Variants in KIRREL3 observed in about 807,000 individuals in gnomAD.
KIRREL3 encodes kirre like nephrin family adhesion molecule 3, also known as kin of IRRE-like protein 3.
Under a neutral mutation model 89.7 loss-of-function variants are expected in KIRREL3, and 36 were observed. That is an observed-to-expected ratio of 0.40 (90% CI 0.31 to 0.53). KIRREL3 has a LOEUF of 0.53. Among genes scored for constraint, KIRREL3 ranks in the 20% least tolerant of loss-of-function variants. The pLI is 0.49. For missense variants in KIRREL3, 864 were observed against 1,056.6 expected (o/e 0.82, Z 2.53); for synonymous variants, 445 against 441.4 (o/e 1.01, Z -0.10).
rs2134341928 is a variant in KIRREL3, at chr11:126,492,733, A to G, written c.434-19267T>C. Reference sequence around the variant, plus strand: ...TGACTGTTAATGGTGAAATATCAAGATGCTGAGGGGGCTCTGAGCTGGACC... The same window carrying G: ...TGACTGTTAATGGTGAAATATCAAGGTGCTGAGGGGGCTCTGAGCTGGACC... On this transcript the variant is annotated intron_variant, in intron 4 of 16. Transcript: ENST00000525144. This position sits in a 1 kb window ranked among gnomAD's most constrained non-coding sequence, Gnocchi z 4.8. Among the ~76,000 whole-genome samples the G allele has an allele frequency of 6.6e-6, 1 of 152,140 alleles. No individual in the cohort carries two copies. Among genetic ancestry groups the G allele is most frequent in the East Asian group, 1.9e-4 (1 of 5,172 alleles).
At position 126,729,422 on chromosome 11, in the gene KIRREL3, C is replaced by T. The variant is rs1378663074; in HGVS notation, c.56-166510G>A. Among the ~76,000 whole-genome samples the T allele has an allele frequency of 6.6e-6, 1 of 152,164 alleles. No individual in the cohort carries two copies. The highest frequency in any genetic ancestry group is 1.5e-5 in the Non-Finnish European group (1 of 68,026). ...TTTTAGGGACATATTGCAGGAGAGA[C>T]AGGAAATTGAAATTGGCGCCATTCT... On this transcript the variant is annotated intron_variant, in intron 1 of 16. Coordinates refer to ENST00000525144, the MANE Select transcript of KIRREL3 (RefSeq NM_032531.4). The surrounding 1 kb of genome is among the most constrained non-coding windows in gnomAD (Gnocchi z 4.5).
rs1214103065 is a variant in KIRREL3 at position 126,943,707 on chromosome 11, C to T, written c.55+56748G>A. On this transcript the variant is annotated intron_variant, in intron 1 of 16. Coordinates refer to ENST00000525144, the MANE Select transcript of KIRREL3 (RefSeq NM_032531.4). The surrounding 1 kb of genome is among the most constrained non-coding windows in gnomAD (Gnocchi z 4.2). ...TGTGAGGGGTCAAGGGCAGGCTTTG[C>T]CTCCAGGGAGGCATTAAAGGGCCAC... is the stretch of plus-strand genomic sequence containing the variant. Among the ~76,000 whole-genome samples, 2 of 152,134 alleles carry T rather than the reference C, an allele frequency of 1.3e-5. No homozygotes were observed. Among genetic ancestry groups the T allele is most frequent in the Non-Finnish European group, 2.9e-5 (2 of 68,018 alleles).
At chr11:126,577,121 G>T (rs1377660946) in intron 1 of KIRREL3, among the ~76,000 whole-genome samples, 2 of 152,184 alleles carry the variant, frequency 1.3e-5, no homozygotes, top group Non-Finnish European at 2.9e-5. Context: ...TTTCAATAAA[G>T]GGCTCAGCAA....
rs1007158075 is a variant in KIRREL3, at chr11:126,564,880, G to A, written c.56-1968C>T. Among the ~76,000 whole-genome samples, 7 of 152,202 alleles carry A rather than the reference G, an allele frequency of 4.6e-5. No individual in the cohort carries two copies. Among genetic ancestry groups the A allele is most frequent in the South Asian group, 2.1e-4 (1 of 4,828 alleles). On this transcript the variant is annotated intron_variant, in intron 1 of 16. Transcript: ENST00000525144. This position sits in a 1 kb window ranked among gnomAD's most constrained non-coding sequence, Gnocchi z 7.4. ...TGTATTGAAACCTCAACACGCTGAC[G>A]ACAGGCAGAGTTAACCAGCCCATTG...
chr11:126,935,294 G>C (rs1388629460), intron 1 of KIRREL3: 1 of 150,088 alleles, frequency 6.7e-6, no homozygotes, highest in Non-Finnish European at 1.5e-5. Flanking sequence ...CAGCCACTTG[G>C]AAGACAGTGT....
In KIRREL3 at chr11:126,564,452, C is replaced by G. The variant is rs1271315075; in HGVS notation, c.56-1540G>C. Among the ~76,000 whole-genome samples, 3 of 152,176 alleles carry G rather than the reference C, an allele frequency of 2.0e-5. No individual in the cohort carries two copies. The highest frequency in any genetic ancestry group is 4.4e-5 in the Non-Finnish European group (3 of 68,036). ...GCCCAGGGAGGTCCCTGGCTTTGAT[C>G]TCCTGATTCTTTAAAGGGGTTTATT... is the stretch of plus-strand genomic sequence containing the variant. On this transcript the variant is annotated intron_variant, in intron 1 of 16. Coordinates refer to ENST00000525144, the MANE Select transcript of KIRREL3 (RefSeq NM_032531.4). The surrounding 1 kb of genome is among the most constrained non-coding windows in gnomAD (Gnocchi z 7.4).
Position 126,501,030 on chromosome 11 carries a change from G to A in KIRREL3, c.433+20285C>T, listed in dbSNP as rs570423624. Among the ~76,000 whole-genome samples the A allele has an allele frequency of 1.1e-4, 17 of 152,312 alleles. No homozygotes were observed. The East Asian group carries it at 1.7e-3, about 16-fold the overall frequency. ...CTTCTGACGCCCTCCACCCGCTGCC[G>A]AGACATCTCCGTGTAGCTTTCCTGG... is the stretch of plus-strand genomic sequence containing the variant. On this transcript the variant is annotated intron_variant, in intron 4 of 16. Transcript: ENST00000525144. This position sits in a 1 kb window ranked among gnomAD's most constrained non-coding sequence, Gnocchi z 5.8.
chr11:126,554,374 T>C (rs1333944700), intron 2 of KIRREL3, among the ~76,000 whole-genome samples: 2 of 152,094 alleles, frequency 1.3e-5, no homozygotes, highest in African/African-American at 4.8e-5. Context: ...GCCCCAGGAA[T>C]TGCTCCATAG....
chr11:126,679,378 T>C (rs1946349506), intron 1 of KIRREL3, among the ~76,000 whole-genome samples: 1 of 152,228 alleles, frequency 6.6e-6, no homozygotes, highest in Non-Finnish European at 1.5e-5. Flanking sequence ...TCTAAATGGC[T>C]CCATTTATTG....
intron 4 of KIRREL3, among the ~76,000 whole-genome samples, chr11:126,482,207 T>G (rs1252583440): frequency 6.6e-6 from 1 of 152,114 alleles, no homozygotes; most frequent in Non-Finnish European, 1.5e-5. Context: ...CCTGGCTAAT[T>G]TTTGTATTTT....
chr11:126,539,222 C>G (rs1442990501), intron 2 of KIRREL3, among the ~76,000 whole-genome samples: 1 of 152,156 alleles, frequency 6.6e-6, no homozygotes, highest in Non-Finnish European at 1.5e-5. Flanking sequence ...CCCTGCCTGC[C>G]TTCCATAATG....
chr11:126,572,405 A>G (rs1940998779), intron 1 of KIRREL3, among the ~76,000 whole-genome samples: 1 of 152,258 alleles, frequency 6.6e-6, no homozygotes, highest in Non-Finnish European at 1.5e-5. Flanking sequence ...CAGGGAAGCC[A>G]AGCAATTTTC....
intron 1 of KIRREL3, among the ~76,000 whole-genome samples, chr11:126,838,120 A>C (rs1943841375): frequency 6.6e-6 from 1 of 152,216 alleles, no homozygotes; most frequent in Admixed American, 6.5e-5. Context: ...CAGCAACTAC[A>C]ATGATTGAAA....
intron 1 of KIRREL3, among the ~76,000 whole-genome samples, chr11:126,706,457 T>C (rs910752119): frequency 2.0e-5 from 3 of 152,228 alleles, no homozygotes; most frequent in African/African-American, 4.8e-5. Flanking sequence ...ATCCTGTGTG[T>C]GGATATTTGT....
chr11:126,924,450 G>A lies in KIRREL3; in HGVS notation c.55+76005C>T, dbSNP rs1205610665. Among the ~76,000 whole-genome samples the A allele has an allele frequency of 6.6e-6, 1 of 152,088 alleles. No individual in the cohort carries two copies. Among genetic ancestry groups the A allele is most frequent in the African/African-American group, 2.4e-5 (1 of 41,412 alleles). On this transcript the variant is annotated intron_variant, in intron 1 of 16. Transcript: ENST00000525144. The surrounding 1 kb of genome is among the most constrained non-coding windows in gnomAD (Gnocchi z 4.7). Reference sequence around the variant, plus strand: ...AATAATTGGGATCTAAAATAAAGAGGATTTCCAGGCACACGGGAAGTCTAA... The same window carrying A: ...AATAATTGGGATCTAAAATAAAGAGAATTTCCAGGCACACGGGAAGTCTAA...
At chr11:126,801,231 C>G (rs1951022020) in intron 1 of KIRREL3, among the ~76,000 whole-genome samples, 1 of 152,184 alleles carries the variant, frequency 6.6e-6, no homozygotes, top group Admixed American at 6.5e-5. Flanking sequence ...GCTCTCTTTT[C>G]TATCCTAAGG....
intron 1 of KIRREL3, among the ~76,000 whole-genome samples, chr11:126,631,239 A>G (rs907035279): frequency 6.6e-6 from 1 of 152,180 alleles, no homozygotes; most frequent in Admixed American, 6.5e-5. Flanking sequence ...GATCTCTAGC[A>G]GATCTCTAGT....
chr11:126,932,097 C>A (rs1332834187), intron 1 of KIRREL3, among the ~76,000 whole-genome samples: 1 of 152,170 alleles, frequency 6.6e-6, no homozygotes, highest in Non-Finnish European at 1.5e-5. Context: ...GCATTCTTTG[C>A]CTCTGCCTGA....
intron 1 of KIRREL3, among the ~76,000 whole-genome samples, chr11:126,980,695 A>G (rs184540371): frequency 6.6e-6 from 1 of 152,332 alleles, no homozygotes; most frequent in Non-Finnish European, 1.5e-5. Flanking sequence ...GAGATGAGAA[A>G]GAGGCTGGTG....
Sources: gnomAD v4.1 joint callset for allele counts (sites outside exome capture counted in the v4.1 genomes callset) on GRCh38, gnomAD v4.1.1 for gene constraint, Gnocchi (gnomAD v3.1) non-coding constraint, MANE v1.5 for transcripts, NCBI Gene and HGNC (gene_info 2026-07-23, HGNC 2026-07-21) for gene names.